Variants in OPN1SW observed in about 807,000 individuals in gnomAD.
OPN1SW encodes the protein opsin 1, short wave sensitive, also known as short-wave-sensitive opsin 1.
Under a neutral mutation model 31.9 loss-of-function variants are expected in OPN1SW, and 25 were observed. The ratio of observed to expected loss-of-function variants is 0.78; its 90% CI spans 0.57 to 1.09. The LOEUF (loss-of-function observed/expected upper bound fraction) is 1.09, where lower values mean the gene tolerates loss of function less well. Ranked by LOEUF, OPN1SW falls within the 50% of genes least tolerant of loss-of-function variation. The probability of loss-of-function intolerance (pLI) is 0.00; values close to 1 mark genes in which losing one functional copy is unlikely to be tolerated. For missense variants in OPN1SW, 424 were observed against 448.0 expected (o/e 0.95, Z 0.48); for synonymous variants, 190 against 171.9 (o/e 1.11, Z -0.82).
chr7:128,773,679 A>C lies in OPN1SW; in HGVS notation c.888T>G (p.Asn296Lys), dbSNP rs1047554910. Reference protein sequence around the residue: ...SFFSKSACIYNPIIYCFMNKQ... With the variant: ...SFFSKSACIYKPIIYCFMNKQ... Reference sequence around the variant, plus strand: ...TATTCATGAAGCAGTAGATGATGGGATTGTAGATGCAAGCACTCTTGGAGA... The same window carrying C: ...TATTCATGAAGCAGTAGATGATGGGCTTGTAGATGCAAGCACTCTTGGAGA... Residue 296 changes from asparagine to lysine, a missense_variant, in exon 4 of 5, where the codon AAT becomes AAG. Physicochemically the swap from Asn to Lys is moderately conservative, Grantham distance 94. Coordinates refer to ENST00000249389, the MANE Select transcript of OPN1SW (RefSeq NM_001385125.1). The C allele has an allele frequency of 6.2e-7, 1 of 1,614,222 alleles. No individual in the cohort carries two copies.
intron 2 of OPN1SW, 78 bp downstream of exon 2, chr7:128,774,908 A>G: frequency 1.9e-6 from 3 of 1,577,688 alleles, no homozygotes; most frequent in East Asian, 2.2e-5. Context: ...AAGACTAAAT[A>G]GTTATACCCA....
intron 3 of OPN1SW, 55 bp from the exon 4 acceptor site, chr7:128,773,943 CTTT>C (rs539944204): frequency 8.0e-4 from 1,103 of 1,373,518 alleles, no homozygotes; most frequent in South Asian, 1.5e-3. Context: ...CCTCTGGATG[CTTT>C]TTTTTTTTTT....
chr7:128,773,691 A>G lies in OPN1SW; in HGVS notation c.876T>C (p.Ala292=). 1.9e-6 allele frequency: 3 copies of G among 1,614,266 alleles called. No homozygotes were observed. The highest frequency in any genetic ancestry group is 1.3e-5 in the African/African-American group (1 of 75,074). The change falls in exon 4 of 5, where the codon GCT becomes GCC. Residue 292 remains alanine, a synonymous_variant. Coordinates refer to ENST00000249389, the MANE Select transcript of OPN1SW (RefSeq NM_001385125.1). Reference sequence around the variant, plus strand: ...AGTAGATGATGGGATTGTAGATGCAAGCACTCTTGGAGAAGAATGAAGGAA... The same window carrying G: ...AGTAGATGATGGGATTGTAGATGCAGGCACTCTTGGAGAAGAATGAAGGAA... ...VTIPSFFSKS[A]CIYNPIIYCF...
At chr7:128,774,014 G>C in intron 3 of OPN1SW, 126 bp from the exon 4 acceptor site, 18 of 1,300,350 alleles carry the variant, frequency 1.4e-5, no homozygotes, top group Non-Finnish European at 1.7e-5. Context: ...TGTTGCCCAG[G>C]CTGGAGTTGC....
chr7:128,774,883 T>C (rs780789936), intron 2 of OPN1SW, 103 bp downstream of exon 2: 58 of 1,505,994 alleles, frequency 3.9e-5, no homozygotes, highest in Non-Finnish European at 5.2e-5. Flanking sequence ...TGCAACTCTT[T>C]AAAAGTAGAG....
At position 128,774,676 on chromosome 7, in the gene OPN1SW, A is replaced by G. The variant is rs1212365809; in HGVS notation, c.513-13T>C. The G allele has an allele frequency of 2.5e-6, 4 of 1,614,072 alleles. No homozygotes were observed. Among genetic ancestry groups the G allele is most frequent in the Non-Finnish European group, 3.4e-6 (4 of 1,180,020 alleles). ...CTCAGGGATGAACCTGCAAAGGACC[A>G]AACACTTGCTCACTGGACTCTCCAC... On this transcript the variant is annotated splice_polypyrimidine_tract_variant and intron_variant, in intron 2 of 4. Coordinates refer to ENST00000249389, the MANE Select transcript of OPN1SW (RefSeq NM_001385125.1).
Position 128,773,813 on chromosome 7 carries a change from C to G in OPN1SW, c.754G>C (p.Val252Leu), listed in dbSNP as rs138093200. ...REVSRMVVVM[V>L]GSFCVCYVPY... ...ACGTAGCAGACACAGAAGGATCCTA[C>G]CATCACAACCACCATGCGGCTCACC... The change falls in exon 4 of 5, where the codon GTA becomes CTA. Residue 252 changes from valine to leucine, a missense_variant. Val to Leu is a conservative substitution (Grantham distance 32, BLOSUM62 1). Coordinates refer to ENST00000249389, the MANE Select transcript of OPN1SW (RefSeq NM_001385125.1). The G allele has an allele frequency of 5.6e-6, 9 of 1,614,140 alleles. No homozygotes were observed. The African/African-American group carries it at 1.1e-4, about 19-fold the overall frequency.
In OPN1SW at chr7:128,775,021, A is replaced by C. The variant is rs1280104321; in HGVS notation, c.477T>G (p.Ile159Met). ...CAAAGAAGGGTGGGATGGAGACGCC[A>C]ATACCAATGGTCCAGGTAGCCAGGA... ...TVVLATWTIG[I>M]GVSIPPFFGW... is the part of the protein sequence containing the mutation. The change falls in exon 2 of 5, where the codon ATT becomes ATG. Residue 159 changes from isoleucine (I) to methionine (M), a missense_variant. Transcript: ENST00000249389. 1 of 1,614,178 alleles carries C rather than the reference A, an allele frequency of 6.2e-7. No homozygotes were observed. Among genetic ancestry groups the C allele is most frequent in the Non-Finnish European group, 8.5e-7 (1 of 1,180,042 alleles).
chr7:128,774,370 C>T (rs761949541), intron 3 of OPN1SW, 128 bp downstream of exon 3: 437 of 1,285,170 alleles, frequency 3.4e-4, no homozygotes, highest in Non-Finnish European at 4.7e-4. Context: ...CCTCCTCCTA[C>T]TTCCTTTGCT....
rs1212976182 is a variant in OPN1SW at position 128,775,121 on chromosome 7, G to T, written c.377C>A (p.Ala126Asp). ...ACAGATGACAATGTAGCGCTCAAAGGCCAGGAAGGCCAGTGACCATCCTGT... is the reference window on the plus strand; with the variant it reads ...ACAGATGACAATGTAGCGCTCAAAGTCCAGGAAGGCCAGTGACCATCCTGT... ...LVTGWSLAFL[A>D]FERYIVICKP... The change falls in exon 2 of 5, where the codon GCC becomes GAC. Residue 126 changes from alanine (A) to aspartate (D), a missense_variant. Transcript: ENST00000249389. 1.2e-6 allele frequency: 2 copies of T among 1,614,172 alleles called. No homozygotes were observed. Among genetic ancestry groups the T allele is most frequent in the South Asian group, 2.2e-5 (2 of 91,080 alleles).
intron 2 of OPN1SW, 116 bp downstream of exon 2, chr7:128,774,868 CAT>C: frequency 7.0e-7 from 1 of 1,427,006 alleles, no homozygotes; most frequent in Admixed American, 1.9e-5. Context: ...CCTTTCGCCT[CAT>C]ATTGCAACTC....
In OPN1SW at chr7:128,775,174, T is replaced by A. The variant is rs1293379886; in HGVS notation, c.344-20A>T. 6.2e-7 allele frequency: 1 copy of A among 1,613,256 alleles called. No individual in the cohort carries two copies. The highest frequency in any genetic ancestry group is 1.7e-5 in the Admixed American group (1 of 59,946). ...CCAGACCTGTGGTGAAATGTGAGGATAATGGGCTAGACAGAGCCCCACCCA... is the reference window on the plus strand; with the variant it reads ...CCAGACCTGTGGTGAAATGTGAGGAAAATGGGCTAGACAGAGCCCCACCCA... On this transcript the variant is annotated intron_variant, in intron 1 of 4. Transcript: ENST00000249389.
chr7:128,774,441 T>G lies in OPN1SW; in HGVS notation c.678+57A>C. 4 of 1,604,618 alleles carry G rather than the reference T, an allele frequency of 2.5e-6. No individual in the cohort carries two copies. In the South Asian group the frequency reaches 4.4e-5, roughly 18 times the overall value. On this transcript the variant is annotated intron_variant, in intron 3 of 4. Transcript: ENST00000249389. Reference sequence around the variant, plus strand: ...AGGCATCTTATGTTTCAGAGCACTCTTCCTTCTCATGTGGAGCCCCGAACC... The same window carrying G: ...AGGCATCTTATGTTTCAGAGCACTCGTCCTTCTCATGTGGAGCCCCGAACC...
rs1801725929 is a variant in OPN1SW, at chr7:128,774,902, C to G, written c.512+84G>C. ...ACTCTTTAAAAGTAGAGGTCAAAGACTAAATAGTTATACCCAAGCTCTCTT... is the reference window on the plus strand; with the variant it reads ...ACTCTTTAAAAGTAGAGGTCAAAGAGTAAATAGTTATACCCAAGCTCTCTT... On this transcript the variant is annotated intron_variant, in intron 2 of 4. Coordinates refer to ENST00000249389, the MANE Select transcript of OPN1SW (RefSeq NM_001385125.1). 6 of 1,568,168 alleles carry G rather than the reference C, an allele frequency of 3.8e-6. No homozygotes were observed. The African/African-American group carries it at 5.4e-5, about 14-fold the overall frequency.
At chr7:128,774,355 T>G in intron 3 of OPN1SW, 143 bp downstream of exon 3, 1 of 1,137,532 alleles carries the variant, frequency 8.8e-7, no homozygotes, top group Non-Finnish European at 1.3e-6. Flanking sequence ...ATCTCCATCA[T>G]TCTCCCTCCT....
intron 3 of OPN1SW, 111 bp from the exon 4 acceptor site, chr7:128,773,999 C>T (rs1281107919): frequency 1.3e-5 from 18 of 1,368,040 alleles, no homozygotes; most frequent in South Asian, 2.9e-5. Context: ...GACCGAGTCT[C>T]GCTCTGTTGC....
chr7:128,773,899 G>T lies in OPN1SW; in HGVS notation c.679-11C>A, dbSNP rs1562888017. 1 of 1,606,712 alleles carries T rather than the reference G, an allele frequency of 6.2e-7. No homozygotes were observed. The highest frequency in any genetic ancestry group is 8.5e-7 in the Non-Finnish European group (1 of 1,179,766). On this transcript the variant is annotated splice_polypyrimidine_tract_variant and intron_variant, in intron 3 of 4. Coordinates refer to ENST00000249389, the MANE Select transcript of OPN1SW (RefSeq NM_001385125.1). ...CTGCTGAGCTGCAACCTGGGGTGGA[G>T]CACGGAAAGCATCACATCTCTCTTT...
In OPN1SW at chr7:128,772,656, G is replaced by A. The variant is rs200091747; in HGVS notation, c.922C>T (p.Gln308Ter). The A allele has an allele frequency of 1.9e-6, 3 of 1,614,058 alleles. No individual in the cohort carries two copies. Among genetic ancestry groups the A allele is most frequent in the Non-Finnish European group, 1.7e-6 (2 of 1,179,958 alleles). The change falls in exon 5 of 5, where the codon CAA becomes TAA. Residue 308 changes from glutamine (Q) to a stop codon, truncating the protein, a stop_gained. Transcript: ENST00000249389. LOFTEE classifies it high-confidence loss of function. ...CACACCATCTTCATGATGCAAGCTT[G>A]GAACTGGAGAGAAAGGTACAATTGG... Reference protein sequence around the residue: ...IIYCFMNKQFQACIMKMVCGK... With the variant: ...IIYCFMNKQF
rs1356337296 is a variant in OPN1SW, at chr7:128,774,675, CA to C, written c.513-13del. ...CCTCAGGGATGAACCTGCAAAGGAC[CA>C]AACACTTGCTCACTGGACTCTCCAC... is the stretch of plus-strand genomic sequence containing the variant. On this transcript the variant is annotated splice_polypyrimidine_tract_variant and intron_variant, in intron 2 of 4. Transcript: ENST00000249389. 1.9e-6 allele frequency: 3 copies of C among 1,614,060 alleles called. No homozygotes were observed. The Admixed American group carries it at 5.0e-5, about 27-fold the overall frequency.
Sources: allele counts gnomAD v4.1 joint callset, GRCh38; gene constraint gnomAD v4.1.1; transcripts MANE v1.5; gene names NCBI Gene and HGNC (gene_info 2026-07-23, HGNC 2026-07-21).